ANK3: variants seen among roughly 807,000 people sequenced by gnomAD.
ANK3 encodes the protein ankyrin-3.
A neutral mutation model predicts 370.9 loss-of-function variants in ANK3; 57 were observed. That is an observed-to-expected ratio of 0.15 (90% CI 0.12 to 0.19). The LOEUF is 0.19. Among genes scored for constraint, ANK3 ranks in the 10% least tolerant of loss-of-function variants. The probability of loss-of-function intolerance (pLI) is 1.00; values close to 1 mark genes in which losing one functional copy is unlikely to be tolerated. For missense variants in ANK3, 4,439 were observed against 5,302.1 expected (o/e 0.84, Z 5.06); for synonymous variants, 1,929 against 1,946.3 (o/e 0.99, Z 0.23).
At chr10:60,569,430 T>C (rs2133263211) in intron 2 of ANK3, among the ~76,000 whole-genome samples, 1 of 152,304 alleles carries the variant, frequency 6.6e-6, no homozygotes, top group African/African-American at 2.4e-5. Flanking sequence ...AGAAGCAACA[T>C]TACAAGAGCA....
At chr10:60,695,925 G>A (rs1174728223) in intron 1 of ANK3, among the ~76,000 whole-genome samples, 5 of 150,510 alleles carry the variant, frequency 3.3e-5, no homozygotes, top group Non-Finnish European at 7.4e-5. Context: ...AGGAAATAGA[G>A]ACACAAAAAA....
intron 21 of ANK3, among the ~76,000 whole-genome samples, 178 bp downstream of exon 21, chr10:60,172,130 C>G (rs191209254): frequency 3.3e-5 from 5 of 152,270 alleles, no homozygotes; most frequent in Non-Finnish European, 1.5e-5. Context: ...GTGTTTTAAA[C>G]TTTTATTCAT....
Position 60,080,527 on chromosome 10 carries a change from G to A in ANK3, c.4432+10C>T. On this transcript the variant is annotated intron_variant, in intron 36 of 43. Coordinates refer to ENST00000280772, the MANE Select transcript of ANK3 (RefSeq NM_020987.5). The stretch of plus-strand genomic sequence containing the variant: ...TCCACGTAGATTAGTAAATGTGTTA[G>A]GAAACTCACTCATTCCAGGCTCAGT... 3 of 1,609,292 alleles carry A rather than the reference G, an allele frequency of 1.9e-6. No individual in the cohort carries two copies. The highest frequency in any genetic ancestry group is 1.1e-5 in the South Asian group (1 of 90,656).
At chr10:60,524,614 T>C (rs551459285) in intron 2 of ANK3, among the ~76,000 whole-genome samples, 9 of 152,126 alleles carry the variant, frequency 5.9e-5, no homozygotes, top group Non-Finnish European at 1.0e-4. Flanking sequence ...TCCTCAGCCA[T>C]GTGGAACTGT....
At chr10:60,501,685 AC>A in intron 2 of ANK3, among the ~76,000 whole-genome samples, 1 of 149,850 alleles carries the variant, frequency 6.7e-6, no homozygotes, top group East Asian at 2.0e-4. Context: ...GGTCTGGGCC[AC>A]AACAGTGAGA....
intron 1 of ANK3, among the ~76,000 whole-genome samples, chr10:60,361,004 G>T (rs2058516777): frequency 6.6e-6 from 1 of 152,052 alleles, no homozygotes; most frequent in African/African-American, 2.4e-5. Flanking sequence ...AAAAACAATA[G>T]ACCAGATAGA....
chr10:60,453,590 T>C (rs1332358541), intron 2 of ANK3, among the ~76,000 whole-genome samples: 1 of 151,990 alleles, frequency 6.6e-6, no homozygotes, highest in Non-Finnish European at 1.5e-5. Flanking sequence ...CATGAAAAAA[T>C]GGCTGAATAA....
intron 2 of ANK3, among the ~76,000 whole-genome samples, chr10:60,480,024 T>C (rs1039365751): frequency 3.2e-4 from 48 of 152,308 alleles, no homozygotes; most frequent in African/African-American, 1.2e-3. Flanking sequence ...TGGCGGGCAC[T>C]GCCTTGGTGA....
At chr10:60,633,736 A>G (rs183348153) in intron 1 of ANK3, among the ~76,000 whole-genome samples, 1 of 152,304 alleles carries the variant, frequency 6.6e-6, no homozygotes, top group Admixed American at 6.5e-5. Flanking sequence ...GATATTTACA[A>G]ATATGCAACA....
intron 42 of ANK3, among the ~76,000 whole-genome samples, 176 bp downstream of exon 42, chr10:60,055,482 C>A (rs1459614691): frequency 6.6e-6 from 1 of 151,508 alleles, no homozygotes; most frequent in South Asian, 2.1e-4. Context: ...TTTTTTTTTA[C>A]CTATGTGTTT....
At chr10:60,111,286 G>A (rs182205572) in intron 26 of ANK3, among the ~76,000 whole-genome samples, 37 of 152,260 alleles carry the variant, frequency 2.4e-4, no homozygotes, top group African/African-American at 8.4e-4. Context: ...CTTTCTCTGT[G>A]TTCTGTATAG....
intron 1 of ANK3, among the ~76,000 whole-genome samples, chr10:60,724,342 C>G (rs2079912186): frequency 6.6e-6 from 1 of 151,734 alleles, no homozygotes; most frequent in African/African-American, 2.4e-5. Flanking sequence ...TTTTAGTCCC[C>G]TCTACTACAA....
Position 60,186,772 on chromosome 10 carries a change from G to A in ANK3, c.2028C>T (p.His676=), listed in dbSNP as rs374823885. The A allele has an allele frequency of 6.8e-6, 11 of 1,614,124 alleles. No individual in the cohort carries two copies. The highest frequency in any genetic ancestry group is 1.1e-5 in the South Asian group (1 of 91,076). The change falls in exon 17 of 44, where the codon CAC becomes CAT. Residue 676 remains histidine (H), a synonymous_variant. Coordinates refer to ENST00000280772, the MANE Select transcript of ANK3 (RefSeq NM_020987.5). ...ASVHLAAQEG[H]VDMVSLLLGR... ...CGAGGAGCAGCGACACCATGTCCAC[G>A]TGCCCTTCCTGAGCTGCGAGATGGA...
At position 60,692,991 on chromosome 10, in the gene ANK3, C is replaced by T. The variant is rs113322258; in HGVS notation, c.57+40272G>A. Among the ~76,000 whole-genome samples the T allele has an allele frequency of 1.2e-3, 188 of 152,258 alleles. 1 individual carries two copies. Among genetic ancestry groups the T allele is most frequent in the Middle Eastern group, 6.8e-3 (2 of 294 alleles). On this transcript the variant is annotated intron_variant, in intron 1 of 43. Transcript: ENST00000373827. ...ATTTCTGCATTTCCATCTGAGGTAC[C>T]GGGTTCATCTCACTAGGGAGTGCCA...
chr10:60,079,225 A>ACACACACACAC (rs376356885), intron 36 of ANK3, among the ~76,000 whole-genome samples: 2 of 142,648 alleles, frequency 1.4e-5, no homozygotes, highest in African/African-American at 5.3e-5. Context: ...ACACACACAC[A>ACACACACACAC]CCCCTCTTCT....
At chr10:60,424,148 G>T (rs951145743) in intron 2 of ANK3, among the ~76,000 whole-genome samples, 1 of 151,940 alleles carries the variant, frequency 6.6e-6, no homozygotes, top group African/African-American at 2.4e-5. Flanking sequence ...CTATCTGTGA[G>T]TCACTATACT....
intron 1 of ANK3, among the ~76,000 whole-genome samples, chr10:60,696,372 A>G (rs1419420158): frequency 6.7e-6 from 1 of 149,468 alleles, no homozygotes. Context: ...AATCAATAGA[A>G]AAAGAGGGAA....
chr10:60,719,204 C>T (rs2079829963), intron 1 of ANK3, among the ~76,000 whole-genome samples: 2 of 152,078 alleles, frequency 1.3e-5, no homozygotes, highest in African/African-American at 4.8e-5. Flanking sequence ...TTATCACTTT[C>T]CATATAATGA....
chr10:60,490,059 T>C (rs1476911725), intron 2 of ANK3, among the ~76,000 whole-genome samples: 1 of 152,190 alleles, frequency 6.6e-6, no homozygotes, highest in Non-Finnish European at 1.5e-5. Flanking sequence ...CCCACTGCCT[T>C]CTGCTGCTCT....
Sources: allele counts gnomAD v4.1 joint callset (sites outside exome capture counted in the v4.1 genomes callset), GRCh38; gene constraint gnomAD v4.1.1; transcripts MANE v1.5; gene names NCBI Gene and HGNC (gene_info 2026-07-23, HGNC 2026-07-21).